The following DPP6 variants were observed in gnomAD, a reference collection of about 807,000 sequenced individuals.
DPP6 encodes A-type potassium channel modulatory protein DPP6.
Under a neutral mutation model 122.6 loss-of-function variants are expected in DPP6, and 69 were observed. The observed-to-expected ratio is 0.56, with a 90% confidence interval of 0.46 to 0.69. The LOEUF is 0.69. Among genes scored for constraint, DPP6 ranks in the 30% least tolerant of loss-of-function variants. DPP6 has a pLI of 0.00. For synonymous variants in DPP6, 418 were observed against 433.1 expected (o/e 0.97, Z 0.43); for missense variants, 928 against 1,116.9 (o/e 0.83, Z 2.41).
intron 1 of DPP6, among the ~76,000 whole-genome samples, chr7:153,949,978 T>C (rs6962390): frequency 0.031 from 4,680 of 152,300 alleles, 242 homozygotes; most frequent in African/African-American, 0.11. Flanking sequence ...TCAACACATC[T>C]CTAATGTTTT....
At chr7:154,459,604 C>G (rs566843176) in intron 2 of DPP6, among the ~76,000 whole-genome samples, 1 of 151,880 alleles carries the variant, frequency 6.6e-6, no homozygotes, top group East Asian at 1.9e-4. Context: ...CCGAGGCAGG[C>G]AGATCACCTG....
intron 1 of DPP6, among the ~76,000 whole-genome samples, chr7:154,220,680 C>T (rs1800253346): frequency 1.3e-5 from 2 of 152,176 alleles, no homozygotes; most frequent in Non-Finnish European, 2.9e-5. Flanking sequence ...CTTGGAATTC[C>T]AGCCTCCAGA....
At chr7:154,101,668 C>G (rs1805734509) in intron 1 of DPP6, among the ~76,000 whole-genome samples, 1 of 151,968 alleles carries the variant, frequency 6.6e-6, no homozygotes, top group Admixed American at 6.5e-5. Context: ...TGGCTCATGC[C>G]TGTAATCCCA....
intron 1 of DPP6, among the ~76,000 whole-genome samples, chr7:153,893,498 C>A (rs1323615647): frequency 1.3e-5 from 2 of 152,214 alleles, no homozygotes; most frequent in Admixed American, 6.5e-5. Context: ...ATAGGCTGTG[C>A]ATTTGTGAGA....
the DPP6 span, among the ~76,000 whole-genome samples, chr7:153,814,236 A>G: frequency 6.6e-6 from 1 of 152,188 alleles, no homozygotes; most frequent in Non-Finnish European, 1.5e-5. Context: ...AAAAGAGAGA[A>G]GAATCAAATA....
chr7:154,162,505 C>T lies in DPP6; in HGVS notation c.243+109442C>T, dbSNP rs569350848. Among the ~76,000 whole-genome samples the T allele has an allele frequency of 1.5e-3, 225 of 152,276 alleles. 1 individual carries two copies. The highest frequency in any genetic ancestry group is 5.2e-3 in the African/African-American group (216 of 41,558). On this transcript the variant is annotated intron_variant, in intron 1 of 25. Transcript: ENST00000377770. The stretch of plus-strand genomic sequence containing the variant: ...ATTTCCCAGGATCCATTCCATATTC[C>T]CTGGAATCCAGCTTGCTCCAAGAGC...
intron 1 of DPP6, among the ~76,000 whole-genome samples, chr7:153,965,685 T>A (rs1585102754): frequency 6.6e-6 from 1 of 152,028 alleles, no homozygotes; most frequent in African/African-American, 2.4e-5. Context: ...GCTAATTTTT[T>A]GTATTTTTAG....
intron 16 of DPP6, among the ~76,000 whole-genome samples, chr7:154,820,366 G>A (rs1294093826): frequency 2.0e-5 from 3 of 152,084 alleles, no homozygotes; most frequent in African/African-American, 7.2e-5. Context: ...TAAAGAGTGG[G>A]CTGCTGTGAA....
intron 6 of DPP6, among the ~76,000 whole-genome samples, chr7:154,665,332 A>T (rs1420811781): frequency 1.3e-5 from 2 of 152,138 alleles, no homozygotes; most frequent in Non-Finnish European, 2.9e-5. Context: ...TGATTTATTT[A>T]ATTATTTATA....
chr7:154,674,048 G>A (rs1319102966), intron 7 of DPP6, among the ~76,000 whole-genome samples: 5 of 152,016 alleles, frequency 3.3e-5, no homozygotes, highest in Non-Finnish European at 7.4e-5. Flanking sequence ...GCTAATTTTT[G>A]TGTTTTTAGC....
chr7:153,996,330 T>TA (rs1464038470), intron 1 of DPP6, among the ~76,000 whole-genome samples: 1 of 152,012 alleles, frequency 6.6e-6, no homozygotes, highest in Admixed American at 6.6e-5. Context: ...TTCTTGGAGG[T>TA]TTTTATTAGG....
chr7:154,023,375 A>G (rs1257121915), intron 1 of DPP6, among the ~76,000 whole-genome samples: 1 of 137,704 alleles, frequency 7.3e-6, no homozygotes, highest in African/African-American at 3.1e-5. Flanking sequence ...TTAAGTCTGC[A>G]TTCCCCAAAT....
chr7:154,341,822 T>C (rs1809960383), intron 1 of DPP6, among the ~76,000 whole-genome samples: 1 of 151,970 alleles, frequency 6.6e-6, no homozygotes, highest in Admixed American at 6.6e-5. Flanking sequence ...CCTTCTCCTA[T>C]AATGACGCAA....
chr7:153,768,983 G>A, the DPP6 span, among the ~76,000 whole-genome samples: 67,381 of 151,210 alleles, frequency 0.45, 15,259 homozygotes, highest in South Asian at 0.54. Context: ...CAATTTGGTC[G>A]CCAGTTAAAT....
chr7:154,004,559 A>G (rs201293833), intron 1 of DPP6, among the ~76,000 whole-genome samples: 2,417 of 151,366 alleles, frequency 0.016, 37 homozygotes, highest in African/African-American at 0.042. Context: ...GTGTAAGTGA[A>G]GGTTTTCTGT....
chr7:153,795,532 G>T, the DPP6 span, among the ~76,000 whole-genome samples: 1 of 151,798 alleles, frequency 6.6e-6, no homozygotes, highest in South Asian at 2.1e-4. Flanking sequence ...TAATTTTATG[G>T]ATCTTCTCAA....
At chr7:154,320,726 T>A (rs1460448486) in intron 1 of DPP6, among the ~76,000 whole-genome samples, 2 of 152,172 alleles carry the variant, frequency 1.3e-5, no homozygotes, top group Non-Finnish European at 2.9e-5. Context: ...CCTCAGGTGA[T>A]CCGCCTGCCT....
chr7:154,714,069 T>C lies in DPP6; in HGVS notation c.763-13698T>C, dbSNP rs1045119420. On this transcript the variant is annotated intron_variant, in intron 7 of 25. Coordinates refer to ENST00000377770, the MANE Select transcript of DPP6 (RefSeq NM_130797.4). ...CACCAGTCTTTTTGCATAGCAAGAG[T>C]GATCTTTACTTCAGTTCCCAACAAG... 2.0e-5 allele frequency among the ~76,000 whole-genome samples: 3 copies of C among 152,248 alleles called. No homozygotes were observed. The South Asian group carries it at 6.2e-4, about 32-fold the overall frequency.
intron 1 of DPP6, among the ~76,000 whole-genome samples, chr7:154,279,213 G>C (rs1804345494): frequency 6.6e-6 from 1 of 151,938 alleles, no homozygotes; most frequent in Non-Finnish European, 1.5e-5. Flanking sequence ...GTGAGTATAT[G>C]GTGTATGCAT....
Sources: allele counts gnomAD v4.1 joint callset (sites outside exome capture counted in the v4.1 genomes callset), GRCh38; gene constraint gnomAD v4.1.1; transcripts MANE v1.5; gene names NCBI Gene and HGNC (gene_info 2026-07-23, HGNC 2026-07-21).